The following BRD4 variants were observed in gnomAD, a reference collection of about 807,000 sequenced individuals.
BRD4 encodes bromodomain-containing protein 4.
In BRD4, 16 loss-of-function variants were observed where a neutral mutation model predicts 142.1. The observed-to-expected ratio is 0.11, with a 90% CI of 0.08 to 0.17. BRD4 has a LOEUF of 0.17. BRD4 is among the 10% of genes least tolerant of loss of function. The pLI is 1.00. For missense variants in BRD4, 1,424 were observed against 1,810.9 expected, an observed-to-expected ratio of 0.79 and a Z score of 3.88; for synonymous variants, 833 against 707.5, an observed-to-expected ratio of 1.18 and a Z score of -2.82.
Position 15,272,827 on chromosome 19 carries a change from C to T in BRD4, c.273G>A (p.Lys91=), listed in dbSNP as rs745666413. 7.4e-6 allele frequency: 12 copies of T among 1,613,678 alleles called. No individual in the cohort carries two copies. The Admixed American group carries it at 1.7e-4, about 22-fold the overall frequency. The part of the protein sequence containing the change: ...WPFQQPVDAV[K]LNLPDYYKII... The stretch of plus-strand genomic sequence containing the variant: ...CCACACTACTCACAGGGAGGTTCAG[C>T]TTGACGGCATCCACAGGCTGCTGGA... Residue 91 remains lysine (K), a synonymous_variant, in exon 2 of 20, where the codon AAG becomes AAA. Transcript: ENST00000679869.
rs1167446788 is a variant in BRD4 at position 15,253,725 on chromosome 19, C to T, written c.2158+427G>A. The stretch of plus-strand genomic sequence containing the variant: ...GCATCTCCCTGAAGCGGCCGCACTG[C>T]ACGTGACTGTGATACGGGGAAGGCC... On this transcript the variant is annotated intron_variant, in intron 11 of 19. Transcript: ENST00000679869. The T allele has an allele frequency of 1.9e-6, 3 of 1,598,456 alleles. No individual in the cohort carries two copies. The South Asian group carries it at 3.3e-5, about 18-fold the overall frequency.
intron 1 of BRD4, among the ~76,000 whole-genome samples, chr19:15,312,791 C>T (rs751128719): frequency 5.3e-5 from 8 of 151,690 alleles, no homozygotes; most frequent in Non-Finnish European, 7.4e-5. Context: ...CAAAATTAGC[C>T]GGGCGTGGGG....
At chr19:15,273,742 G>A (rs7359869) in intron 1 of BRD4, among the ~76,000 whole-genome samples, 1 of 151,812 alleles carries the variant, frequency 6.6e-6, no homozygotes, top group Admixed American at 6.6e-5. Context: ...AAATAATGCA[G>A]GTCTGCTGAG....
intron 1 of BRD4, among the ~76,000 whole-genome samples, chr19:15,310,178 T>C (rs1227009346): frequency 1.3e-5 from 2 of 149,846 alleles, no homozygotes; most frequent in East Asian, 2.0e-4. Flanking sequence ...TGGGAGCTGA[T>C]GAAAGGGTGA....
At chr19:15,270,948 G>A (rs2047580770) in intron 2 of BRD4, among the ~76,000 whole-genome samples, 1 of 152,102 alleles carries the variant, frequency 6.6e-6, no homozygotes, top group African/African-American at 2.4e-5. Flanking sequence ...TTATGTCAGA[G>A]CTAATGAGGG....
intron 11 of BRD4, among the ~76,000 whole-genome samples, chr19:15,250,259 A>C (rs2047330437): frequency 6.6e-6 from 1 of 152,182 alleles, no homozygotes; most frequent in Non-Finnish European, 1.5e-5. Context: ...GGCTGTGCAG[A>C]CAGAAAGGCT....
chr19:15,311,016 A>T (rs897960839), intron 1 of BRD4, among the ~76,000 whole-genome samples: 1 of 151,844 alleles, frequency 6.6e-6, no homozygotes, highest in Admixed American at 6.6e-5. Context: ...GATGGCCAGG[A>T]GCAGGGGCTC....
intron 1 of BRD4, among the ~76,000 whole-genome samples, chr19:15,318,982 G>A (rs1177464429): frequency 1.3e-5 from 2 of 152,162 alleles, no homozygotes. Flanking sequence ...AAACCAAAAT[G>A]GGTGATCCAC....
chr19:15,253,459 T>C (rs2047369543), intron 11 of BRD4: 2 of 1,229,742 alleles, frequency 1.6e-6, no homozygotes, highest in Non-Finnish European at 1.1e-6. Context: ...GAACCCAGGG[T>C]CCAACGTGCA....
intron 1 of BRD4, among the ~76,000 whole-genome samples, chr19:15,310,742 G>T (rs2047963003): frequency 6.6e-6 from 1 of 151,494 alleles, no homozygotes; most frequent in African/African-American, 2.4e-5. Context: ...TGATCCACCT[G>T]CCTCGGCCTC....
At chr19:15,294,770 T>C (rs745522085) in intron 1 of BRD4, among the ~76,000 whole-genome samples, 2 of 152,128 alleles carry the variant, frequency 1.3e-5, no homozygotes, top group Non-Finnish European at 2.9e-5. Flanking sequence ...CCTGGGTCCC[T>C]AGGGCCTGGC....
chr19:15,244,062 G>C (rs1238452336), intron 13 of BRD4, among the ~76,000 whole-genome samples, 169 bp downstream of exon 13: 7 of 152,206 alleles, frequency 4.6e-5, no homozygotes, highest in Non-Finnish European at 8.8e-5. Context: ...GACCTGTCTT[G>C]AGGCATCTCC....
intron 1 of BRD4, among the ~76,000 whole-genome samples, chr19:15,331,680 G>A (rs1371388350): frequency 1.3e-5 from 2 of 152,032 alleles, no homozygotes; most frequent in Admixed American, 6.5e-5. Context: ...AGAGATGGGG[G>A]TGGGGGCGCG....
chr19:15,257,404 A>G (rs1213494557), intron 7 of BRD4: 5 of 563,844 alleles, frequency 8.9e-6, no homozygotes, highest in Non-Finnish European at 1.6e-5. Flanking sequence ...AAGGTGGTCC[A>G]GAGATAGCGG....
intron 1 of BRD4, among the ~76,000 whole-genome samples, chr19:15,315,763 T>C (rs1319082463): frequency 1.5e-5 from 2 of 133,884 alleles, no homozygotes; most frequent in East Asian, 4.5e-4. Context: ...GGCTGAGGCA[T>C]GAGAATCACT....
At chr19:15,322,867 CA>C (rs71333367) in intron 1 of BRD4, among the ~76,000 whole-genome samples, 905 of 65,492 alleles carry the variant, frequency 0.014, 7 homozygotes, top group African/African-American at 0.041. Context: ...ACTCTGTCTC[CA>C]AAAAAAAAAA....
At chr19:15,275,102 A>G (rs560028965) in intron 1 of BRD4, among the ~76,000 whole-genome samples, 2 of 152,068 alleles carry the variant, frequency 1.3e-5, no homozygotes, top group Admixed American at 1.3e-4. Context: ...CAGGTGATCC[A>G]CCTGCCTCGG....
chr19:15,259,957 G>A (rs2047451567), intron 7 of BRD4, among the ~76,000 whole-genome samples: 1 of 152,226 alleles, frequency 6.6e-6, no homozygotes, highest in Non-Finnish European at 1.5e-5. Flanking sequence ...CCTCTCACAA[G>A]GGAGGATGGT....
chr19:15,316,766 G>C (rs554175155), intron 1 of BRD4, among the ~76,000 whole-genome samples: 10 of 152,310 alleles, frequency 6.6e-5, no homozygotes, highest in Admixed American at 2.6e-4. Context: ...GGGTGAAAAG[G>C]AGACCTGTCC....
Sources: gnomAD v4.1 joint callset for allele counts (sites outside exome capture counted in the v4.1 genomes callset) on GRCh38, gnomAD v4.1.1 for gene constraint, MANE v1.5 for transcripts, NCBI Gene and HGNC (gene_info 2026-07-23, HGNC 2026-07-21) for gene names.